Variants in SRR observed in about 807,000 individuals in gnomAD.
SRR encodes serine racemase, also known as D-serine ammonia-lyase.
SRR carries 19 observed loss-of-function variants against 32.7 expected under a neutral mutation model. The ratio of observed to expected loss-of-function variants is 0.58; its 90% CI spans 0.40 to 0.85. The LOEUF (loss-of-function observed/expected upper bound fraction) is 0.85. Ranked by LOEUF, SRR falls within the 40% of genes least tolerant of loss-of-function variation. The pLI is 0.00. For synonymous variants in SRR, 142 were observed against 140.9 expected (o/e 1.01, Z -0.06); for missense variants, 373 against 404.7 (o/e 0.92, Z 0.67).
upstream of SRR, chr17:2,303,579 G>T: frequency 7.3e-7 from 1 of 1,375,328 alleles, no homozygotes; most frequent in South Asian, 1.6e-5. Context: ...AGAGGAGGAG[G>T]AGAGGGAGGC....
intron 1 of SRR, chr17:2,307,356 TG>T: frequency 9.4e-7 from 1 of 1,065,362 alleles, no homozygotes; most frequent in Non-Finnish European, 1.4e-6. Flanking sequence ...AAAGTACTTC[TG>T]GAAACTTTGG....
chr17:2,313,840 G>C (rs1238218202), intron 1 of SRR, among the ~76,000 whole-genome samples: 1 of 152,112 alleles, frequency 6.6e-6, no homozygotes, highest in African/African-American at 2.4e-5. Context: ...CTACCAAAGA[G>C]TTTTGTCTGC....
In SRR at chr17:2,323,216, A is replaced by G; in HGVS notation, c.675A>G (p.Lys225=). Residue 225 remains lysine, a synonymous_variant, in exon 7 of 8, where the codon AAA becomes AAG. Transcript: ENST00000344595. ...GCTACCAGTCCAAGCTGAAGGGGAA[A>G]CTGATGCCCAATCTTTATCCTCCAG... ...DDCYQSKLKG[K]LMPNLYPPET... is the part of the protein sequence containing the mutation. The G allele has an allele frequency of 6.2e-7, 1 of 1,614,212 alleles. No homozygotes were observed. The highest frequency in any genetic ancestry group is 8.5e-7 in the Non-Finnish European group (1 of 1,180,034).
intron 1 of SRR, among the ~76,000 whole-genome samples, chr17:2,309,600 C>A (rs1018006894): frequency 2.0e-5 from 3 of 152,174 alleles, no homozygotes; most frequent in Non-Finnish European, 4.4e-5. Context: ...CTTAGGTATT[C>A]ACTCTAATGT....
chr17:2,317,443 C>G (rs573323789), intron 2 of SRR, among the ~76,000 whole-genome samples: 3 of 150,544 alleles, frequency 2.0e-5, no homozygotes, highest in East Asian at 2.0e-4. Context: ...ACCCGGGAGG[C>G]GGAGCTTGCA....
chr17:2,309,200 C>T (rs761797588), intron 1 of SRR, among the ~76,000 whole-genome samples: 2 of 152,012 alleles, frequency 1.3e-5, no homozygotes, highest in Non-Finnish European at 2.9e-5. Context: ...TTGCCTCTGG[C>T]AATCTTCCCA....
intron 4 of SRR, among the ~76,000 whole-genome samples, chr17:2,320,903 A>G (rs544064919): frequency 1.3e-5 from 2 of 152,296 alleles, no homozygotes; most frequent in Admixed American, 1.3e-4. Flanking sequence ...ACTCTGTGCC[A>G]GCCATACTAA....
At chr17:2,303,483 GC>G, upstream of SRR, 1 of 1,329,834 alleles carries the variant, frequency 7.5e-7, no homozygotes, top group Non-Finnish European at 9.6e-7. Context: ...GAGAGGTAGG[GC>G]AGCGAGGGTC....
In SRR at chr17:2,324,999, G is replaced by T; in HGVS notation, c.*1126G>T. On this transcript the variant is annotated 3_prime_UTR_variant, in exon 8 of 8. Transcript: ENST00000344595. Reference sequence around the variant, plus strand: ...AGCCCACACTTAACCTTGTCAATAGGTTCTTGAAAACTTGTACTTCAAGAG... The same window carrying T: ...AGCCCACACTTAACCTTGTCAATAGTTTCTTGAAAACTTGTACTTCAAGAG... 1.4e-6 allele frequency: 1 copy of T among 702,936 alleles called. No homozygotes were observed. The highest frequency in any genetic ancestry group is 2.3e-6 in the Non-Finnish European group (1 of 442,324). 43.5% of individuals were successfully genotyped at this position (702,936 alleles called of 1,614,324 possible).
upstream of SRR, chr17:2,303,771 C>T: frequency 6.9e-7 from 1 of 1,445,740 alleles, no homozygotes; most frequent in Non-Finnish European, 9.2e-7. Context: ...CCGCGCGCAG[C>T]CAGGAAACCA....
chr17:2,323,442 G>A (rs2075551308), intron 7 of SRR, 97 bp downstream of exon 7: 2 of 1,416,180 alleles, frequency 1.4e-6, no homozygotes, highest in Non-Finnish European at 2.0e-6. Flanking sequence ...ACGGGAACCT[G>A]ACTAGGTAAC....
rs565960610 is a variant in SRR, at chr17:2,321,539, A to C, written c.520-3A>C. On this transcript the variant is annotated splice_polypyrimidine_tract_variant and splice_region_variant and intron_variant, in intron 5 of 7. Coordinates refer to ENST00000344595, the MANE Select transcript of SRR (RefSeq NM_021947.3). Reference sequence around the variant, plus strand: ...CTGCTTACAGTTTATATTTTCACTAAAGGTTCCTTTGGTGGATGCACTGGT... The same window carrying C: ...CTGCTTACAGTTTATATTTTCACTACAGGTTCCTTTGGTGGATGCACTGGT... The C allele has an allele frequency of 1.2e-6, 2 of 1,614,056 alleles. No homozygotes were observed. Among genetic ancestry groups the C allele is most frequent in the African/African-American group, 2.7e-5 (2 of 75,052 alleles).
Position 2,307,273 on chromosome 17 carries a change from G to A in SRR, c.-5+3256G>A, listed in dbSNP as rs188634477. On this transcript the variant is annotated intron_variant, in intron 1 of 7. Transcript: ENST00000344595. Reference sequence around the variant, plus strand: ...CATTCAGAAATACCATACTGTGAATGGCCACAACTGTGAAATTAGGAAAGG... The same window carrying A: ...CATTCAGAAATACCATACTGTGAATAGCCACAACTGTGAAATTAGGAAAGG... 7 of 1,149,788 alleles carry A rather than the reference G, an allele frequency of 6.1e-6. No homozygotes were observed. The Admixed American group carries it at 6.8e-5, about 11-fold the overall frequency. The allele number at this position is 1,149,788 out of a possible 1,614,324, so 71.2% of individuals were successfully genotyped here. A position where few individuals can be genotyped will look rare whatever the true frequency, so the allele number is the denominator to read the frequency against.
intron 1 of SRR, among the ~76,000 whole-genome samples, chr17:2,313,161 G>A (rs1186141754): frequency 6.6e-6 from 1 of 152,226 alleles, no homozygotes; most frequent in Non-Finnish European, 1.5e-5. Flanking sequence ...CGGGCGCAGT[G>A]GCTCACGCCT....
chr17:2,317,396 C>T (rs375991694), intron 2 of SRR, among the ~76,000 whole-genome samples: 11 of 151,832 alleles, frequency 7.2e-5, no homozygotes, highest in African/African-American at 2.7e-4. Flanking sequence ...CCTGCAGACC[C>T]GGCTACTCGA....
intron 1 of SRR, among the ~76,000 whole-genome samples, chr17:2,310,711 T>C (rs147006707): frequency 0.033 from 5,010 of 152,112 alleles, 125 homozygotes; most frequent in South Asian, 0.075. Flanking sequence ...CCCTAGTAGC[T>C]GGGACTACAG....
In SRR at chr17:2,324,902, A is replaced by G. The variant is rs540573999; in HGVS notation, c.*1029A>G. On this transcript the variant is annotated 3_prime_UTR_variant, in exon 8 of 8. Coordinates refer to ENST00000344595, the MANE Select transcript of SRR (RefSeq NM_021947.3). The stretch of plus-strand genomic sequence containing the variant: ...TCTTCATTTATTGCCCAGTCCATTT[A>G]AAGACCCATGCAAGAGCCTGGTTTG... The G allele has an allele frequency of 4.4e-5, 67 of 1,519,208 alleles. No homozygotes were observed. The South Asian group carries it at 7.4e-4, about 17-fold the overall frequency. 94.1% of individuals were successfully genotyped at this position (1,519,208 alleles called of 1,614,324 possible).
chr17:2,306,745 C>G (rs1212321269), intron 1 of SRR: 4 of 603,606 alleles, frequency 6.6e-6, no homozygotes, highest in Non-Finnish European at 1.2e-5. Flanking sequence ...ACACTTTCCA[C>G]CCATGGACAC....
chr17:2,305,221 T>C (rs2075378054), intron 1 of SRR, among the ~76,000 whole-genome samples: 2 of 152,114 alleles, frequency 1.3e-5, no homozygotes, highest in Admixed American at 6.5e-5. Context: ...TTGAGAGAAA[T>C]AGGAAGAAGC....
Sources: gnomAD v4.1 joint callset for allele counts (sites outside exome capture counted in the v4.1 genomes callset) on GRCh38, gnomAD v4.1.1 for gene constraint, MANE v1.5 for transcripts, NCBI Gene and HGNC (gene_info 2026-07-23, HGNC 2026-07-21) for gene names.